LIPA: variants seen among roughly 807,000 people sequenced by gnomAD.
The protein encoded by LIPA is lipase A, lysosomal acid type, also known as lysosomal acid lipase/cholesteryl ester hydrolase.
Under a neutral mutation model 40.6 loss-of-function variants are expected in LIPA, and 26 were observed. That is an observed-to-expected ratio of 0.64 (90% CI 0.47 to 0.89). The LOEUF (loss-of-function observed/expected upper bound fraction) is 0.89, where lower values mean the gene tolerates loss of function less well. Ranked by LOEUF, LIPA falls within the 40% of genes least tolerant of loss-of-function variation. LIPA has a pLI of 0.00. For synonymous variants in LIPA, 188 were observed against 168.4 expected, an observed-to-expected ratio of 1.12 and a Z score of -0.90; for missense variants, 455 against 479.6, an observed-to-expected ratio of 0.95 and a Z score of 0.48.
At chr10:89,372,545 T>C (rs996892329) in intron 2 of LIPA, among the ~76,000 whole-genome samples, 1 of 152,232 alleles carries the variant, frequency 6.6e-6, no homozygotes, top group African/African-American at 2.4e-5. Flanking sequence ...ACAGGTCACT[T>C]GAGAAGAGGA....
intron 1 of LIPA, among the ~76,000 whole-genome samples, chr10:89,326,600 T>C (rs1843602180): frequency 6.6e-6 from 1 of 152,248 alleles, no homozygotes; most frequent in African/African-American, 2.4e-5. Context: ...TTGGATTGTT[T>C]GTAATACAAA....
At chr10:89,366,974 A>C (rs571410337) in intron 2 of LIPA, among the ~76,000 whole-genome samples, 1 of 152,182 alleles carries the variant, frequency 6.6e-6, no homozygotes, top group Admixed American at 6.5e-5. Flanking sequence ...GCACATATAC[A>C]CCATGGAATA....
At chr10:89,411,224 G>A (rs940673634) in intron 2 of LIPA, among the ~76,000 whole-genome samples, 15 of 152,182 alleles carry the variant, frequency 9.9e-5, no homozygotes, top group Admixed American at 3.3e-4. Flanking sequence ...ACAAAGGTCT[G>A]ACCAGATCTA....
Position 89,223,780 on chromosome 10 carries a change from C to T in LIPA, c.726G>A (p.Trp242Ter). ...CATGAGTGCAAACGTGGGTACCCAGCCACTTCAAAAACGCACTCTGGGGAA... is the reference window on the plus strand; with the variant it reads ...CATGAGTGCAAACGTGGGTACCCAGTCACTTCAAAAACGCACTCTGGGGAA... ...EFLPQSAFLK[W>*]LGTHVCTHVI... Residue 242 changes from tryptophan to a stop codon, truncating the protein, a stop_gained, in exon 7 of 10, where the codon TGG becomes TGA. Transcript: ENST00000336233. LOFTEE classifies it high-confidence loss of function. 1 of 1,613,966 alleles carries T rather than the reference C, an allele frequency of 6.2e-7. No individual in the cohort carries two copies. Among genetic ancestry groups the T allele is most frequent in the Non-Finnish European group, 8.5e-7 (1 of 1,179,864 alleles).
At position 89,213,852 on chromosome 10, in the gene LIPA, AT is replaced by A. The variant is rs1274971805; in HGVS notation, c.*975del. On this transcript the variant is annotated 3_prime_UTR_variant, in exon 10 of 10. Coordinates refer to ENST00000336233, the MANE Select transcript of LIPA (RefSeq NM_000235.4). Reference sequence around the variant, plus strand: ...GATGCATATAAAACTAAGACACAAAATGAATCCCTGAGCTGAGTTTGCATCC... The same window carrying A: ...GATGCATATAAAACTAAGACACAAAAGAATCCCTGAGCTGAGTTTGCATCC... The A allele has an allele frequency of 6.6e-6, 1 of 152,232 alleles. No homozygotes were observed. The highest frequency in any genetic ancestry group is 1.5e-5 in the Non-Finnish European group (1 of 68,038). 9.4% of individuals were successfully genotyped at this position (152,232 alleles called of 1,614,324 possible).
intron 2 of LIPA, among the ~76,000 whole-genome samples, chr10:89,369,499 C>A (rs1010946799): frequency 1.4e-5 from 2 of 142,242 alleles, no homozygotes; most frequent in Non-Finnish European, 3.1e-5. Context: ...CCCTGGGAAC[C>A]AAGCCATTGA....
chr10:89,269,266 G>A (rs1843253459), intron 1 of LIPA, among the ~76,000 whole-genome samples: 1 of 151,466 alleles, frequency 6.6e-6, no homozygotes, highest in African/African-American at 2.4e-5. Flanking sequence ...GGAGGCAGAG[G>A]TTGCAGTGAG....
intron 1 of LIPA, among the ~76,000 whole-genome samples, chr10:89,295,191 C>A (rs990276858): frequency 2.6e-5 from 4 of 151,646 alleles, no homozygotes; most frequent in African/African-American, 9.7e-5. Flanking sequence ...AAGGGAATGT[C>A]ATATAGGTGG....
At chr10:89,239,907 T>C (rs776387051) in intron 3 of LIPA, among the ~76,000 whole-genome samples, 1 of 152,168 alleles carries the variant, frequency 6.6e-6, no homozygotes, top group Admixed American at 6.5e-5. Flanking sequence ...ATCATCTCCA[T>C]GCCAAATTGC....
intron 1 of LIPA, among the ~76,000 whole-genome samples, chr10:89,260,500 AG>A (rs565963340): frequency 1.4e-3 from 208 of 152,316 alleles, no homozygotes; most frequent in African/African-American, 4.7e-3. Context: ...TAAGCTGATT[AG>A]AACAGAATGT....
chr10:89,298,773 G>T (rs1298256743), intron 1 of LIPA, among the ~76,000 whole-genome samples: 1 of 152,066 alleles, frequency 6.6e-6, no homozygotes, highest in African/African-American at 2.4e-5. Context: ...ATCACCTGAG[G>T]TCAGGAGTTC....
rs1842594497 is a variant in LIPA, at chr10:89,214,513, T to C, written c.*315A>G. 3.9e-6 allele frequency: 1 copy of C among 258,362 alleles called. No homozygotes were observed. Among genetic ancestry groups the C allele is most frequent in the African/African-American group, 2.3e-5 (1 of 43,922 alleles). The allele number at this position is 258,362 out of a possible 1,614,324, so 16.0% of individuals were successfully genotyped here. On this transcript the variant is annotated 3_prime_UTR_variant, in exon 10 of 10. Transcript: ENST00000336233. ...ACTTTGTCCTATGAAGGGCAAAAAGTCAATATATTTTAAATTTTAAAAACA... is the reference window on the plus strand; with the variant it reads ...ACTTTGTCCTATGAAGGGCAAAAAGCCAATATATTTTAAATTTTAAAAACA...
At chr10:89,359,435 T>G (rs1318354209) in intron 2 of LIPA, among the ~76,000 whole-genome samples, 1 of 152,246 alleles carries the variant, frequency 6.6e-6, no homozygotes, top group Non-Finnish European at 1.5e-5. Flanking sequence ...ACTGCATTCC[T>G]GGTCACGAAA....
chr10:89,389,947 T>G (rs1844233751), intron 2 of LIPA, among the ~76,000 whole-genome samples: 1 of 150,922 alleles, frequency 6.6e-6, no homozygotes, highest in African/African-American at 2.4e-5. Context: ...GGCGCAGGTC[T>G]ACATCAAAAT....
chr10:89,244,769 A>G (rs1843003868), intron 3 of LIPA, among the ~76,000 whole-genome samples: 1 of 152,184 alleles, frequency 6.6e-6, no homozygotes, highest in African/African-American at 2.4e-5. Flanking sequence ...ATATATGTAT[A>G]TATATACTTT....
intron 2 of LIPA, among the ~76,000 whole-genome samples, chr10:89,376,076 T>G (rs1480341398): frequency 1.3e-5 from 2 of 150,920 alleles, no homozygotes; most frequent in Admixed American, 1.3e-4. Flanking sequence ...TAGTGCCAGC[T>G]ACTCTGGAGG....
intron 1 of LIPA, among the ~76,000 whole-genome samples, chr10:89,249,678 A>C (rs551942174): frequency 6.6e-6 from 1 of 152,358 alleles, no homozygotes; most frequent in South Asian, 2.1e-4. Context: ...AAAACTCCAC[A>C]AAATGCAGTC....
intron 1 of LIPA, among the ~76,000 whole-genome samples, chr10:89,331,617 TG>T (rs920555317): frequency 3.9e-5 from 6 of 152,096 alleles, no homozygotes; most frequent in Non-Finnish European, 7.4e-5. Flanking sequence ...CCCAACACTT[TG>T]GGAGGCCGAG....
intron 2 of LIPA, chr10:89,402,347 G>A (rs149440394): frequency 5.3e-4 from 858 of 1,614,160 alleles, no homozygotes; most frequent in Non-Finnish European, 6.6e-4. Flanking sequence ...TTACATGGGA[G>A]TTATCCATTG....
Sources: gnomAD v4.1 joint callset for allele counts (sites outside exome capture counted in the v4.1 genomes callset) on GRCh38, gnomAD v4.1.1 for gene constraint, MANE v1.5 for transcripts, NCBI Gene and HGNC (gene_info 2026-07-23, HGNC 2026-07-21) for gene names.